Variants in TSPAN5 observed in about 807,000 individuals in gnomAD.
TSPAN5 encodes tetraspanin 5, also known as tetraspanin-5.
A neutral mutation model predicts 37.1 loss-of-function variants in TSPAN5; 10 were observed. The ratio of observed to expected loss-of-function variants is 0.27; its 90% CI spans 0.17 to 0.46. The LOEUF is 0.46. Ranked by LOEUF, TSPAN5 falls within the 20% of genes least tolerant of loss-of-function variation. The pLI is 1.00. For missense variants in TSPAN5, 195 were observed against 326.6 expected (o/e 0.60, Z 3.11); for synonymous variants, 110 against 118.9 (o/e 0.93, Z 0.48).
intron 1 of TSPAN5, among the ~76,000 whole-genome samples, chr4:98,565,204 G>A (rs1754975665): frequency 6.6e-6 from 1 of 152,114 alleles, no homozygotes; most frequent in African/African-American, 2.4e-5. Context: ...CCTTTTGACG[G>A]TTGGTGTTTT....
chr4:98,587,616 G>T (rs192626105), intron 1 of TSPAN5, among the ~76,000 whole-genome samples: 1 of 152,156 alleles, frequency 6.6e-6, no homozygotes, highest in Admixed American at 6.5e-5. Context: ...CTGGCCGGGC[G>T]CAGTGGCTCA....
At chr4:98,632,045 C>T (rs1185139006) in intron 1 of TSPAN5, among the ~76,000 whole-genome samples, 2 of 152,110 alleles carry the variant, frequency 1.3e-5, no homozygotes, top group Non-Finnish European at 2.9e-5. Flanking sequence ...ACCAGCTCTC[C>T]CCTAGAATGC....
At chr4:98,487,704 C>A (rs1578939854) in intron 2 of TSPAN5, among the ~76,000 whole-genome samples, 1 of 152,088 alleles carries the variant, frequency 6.6e-6, no homozygotes, top group East Asian at 1.9e-4. Flanking sequence ...TATTTCTTAC[C>A]CCCTTCGAGT....
intron 4 of TSPAN5, among the ~76,000 whole-genome samples, chr4:98,481,355 G>T (rs2110258806): frequency 6.6e-6 from 1 of 152,212 alleles, no homozygotes. Context: ...GACATCTGCT[G>T]CTTTGCTGGC....
At chr4:98,540,914 A>C (rs974422337) in intron 1 of TSPAN5, among the ~76,000 whole-genome samples, 3 of 152,214 alleles carry the variant, frequency 2.0e-5, no homozygotes, top group Non-Finnish European at 2.9e-5. Flanking sequence ...TAACTTTAGG[A>C]AGAACTTCTA....
chr4:98,537,264 G>A (rs1003611059), intron 1 of TSPAN5, among the ~76,000 whole-genome samples: 2 of 152,188 alleles, frequency 1.3e-5, no homozygotes, highest in Admixed American at 6.5e-5. Flanking sequence ...GACCCCTTGC[G>A]CTTCCCGGGT....
chr4:98,638,271 CAGTA>C (rs879144331), intron 1 of TSPAN5, among the ~76,000 whole-genome samples: 1 of 152,200 alleles, frequency 6.6e-6, no homozygotes, highest in Admixed American at 6.5e-5. Flanking sequence ...ACAACAATGT[CAGTA>C]AAGATGCCTT....
At chr4:98,533,939 T>TAAAAAAA (rs1194318640) in intron 1 of TSPAN5, among the ~76,000 whole-genome samples, 444 of 31,124 alleles carry the variant, frequency 0.014, 55 homozygotes, top group African/African-American at 0.058. Context: ...TTGTTGATCT[T>TAAAAAAA]AAAAAAAAAA....
At chr4:98,515,468 C>T (rs1000557332) in intron 1 of TSPAN5, among the ~76,000 whole-genome samples, 1 of 152,020 alleles carries the variant, frequency 6.6e-6, no homozygotes, top group Non-Finnish European at 1.5e-5. Flanking sequence ...CACGTCCTGC[C>T]TCCTCCAAAT....
At chr4:98,657,479 G>A (rs2110298801) in intron 1 of TSPAN5, 1 of 152,702 alleles carries the variant, frequency 6.5e-6, no homozygotes. Flanking sequence ...TCCTGACGAT[G>A]ATATATACAT....
At chr4:98,540,063 A>G (rs1754323647) in intron 1 of TSPAN5, among the ~76,000 whole-genome samples, 1 of 152,174 alleles carries the variant, frequency 6.6e-6, no homozygotes, top group African/African-American at 2.4e-5. Flanking sequence ...CTGCAACTCC[A>G]TGAGAGAACT....
chr4:98,554,727 ACATG>A, intron 1 of TSPAN5, among the ~76,000 whole-genome samples: 1 of 152,350 alleles, frequency 6.6e-6, no homozygotes, highest in East Asian at 1.9e-4. Context: ...AACTGTTAAT[ACATG>A]CATAAAGTCC....
chr4:98,483,414 A>T (rs1752890013), intron 3 of TSPAN5: 1 of 152,208 alleles, frequency 6.6e-6, no homozygotes, highest in African/African-American at 2.4e-5. Context: ...CATTCAGCAA[A>T]CATCTACTGA....
chr4:98,505,544 T>C (rs201668218), intron 2 of TSPAN5, among the ~76,000 whole-genome samples: 1 of 152,238 alleles, frequency 6.6e-6, no homozygotes, highest in South Asian at 2.1e-4. Context: ...AGAGAGGCTG[T>C]TGGCAACTAC....
At chr4:98,645,863 A>G (rs959458656) in intron 1 of TSPAN5, among the ~76,000 whole-genome samples, 2 of 152,174 alleles carry the variant, frequency 1.3e-5, no homozygotes, top group Non-Finnish European at 2.9e-5. Context: ...TGTGCTACAT[A>G]TATCATTCTT....
At chr4:98,649,179 G>A (rs371730908) in intron 1 of TSPAN5, among the ~76,000 whole-genome samples, 4 of 152,016 alleles carry the variant, frequency 2.6e-5, no homozygotes, top group African/African-American at 9.6e-5. Context: ...CTTTTTTCAA[G>A]CAAAATCTTT....
At chr4:98,559,752 C>G (rs1754837651) in intron 1 of TSPAN5, among the ~76,000 whole-genome samples, 1 of 152,214 alleles carries the variant, frequency 6.6e-6, no homozygotes, top group East Asian at 1.9e-4. Context: ...GTCTCAACAT[C>G]CAGGTGCTCC....
rs1444528402 is a variant in TSPAN5, at chr4:98,472,325, T to C, written c.*197A>G. 9 of 479,908 alleles carry C rather than the reference T, an allele frequency of 1.9e-5. No individual in the cohort carries two copies. The highest frequency in any genetic ancestry group is 2.6e-5 in the Non-Finnish European group (7 of 273,260). 29.7% of individuals were successfully genotyped at this position (479,908 alleles called of 1,614,324 possible). On this transcript the variant is annotated 3_prime_UTR_variant, in exon 8 of 8. Transcript: ENST00000305798. ...GAGATTCACGGCGCAACGACTTTCA[T>C]ACTGGTTATTTTTTTTTTTAATTCT...
intron 7 of TSPAN5, among the ~76,000 whole-genome samples, chr4:98,473,219 G>A (rs1284252170): frequency 6.6e-6 from 1 of 152,148 alleles, no homozygotes; most frequent in African/African-American, 2.4e-5. Context: ...GACTCATATG[G>A]TAGCACTATA....
Sources: allele counts gnomAD v4.1 joint callset (sites outside exome capture counted in the v4.1 genomes callset), GRCh38; gene constraint gnomAD v4.1.1; transcripts MANE v1.5; gene names NCBI Gene and HGNC (gene_info 2026-07-23, HGNC 2026-07-21).